Variants in TACC2 observed in about 807,000 individuals in gnomAD.
TACC2 encodes the protein transforming acidic coiled-coil containing protein 2, also known as transforming acidic coiled-coil-containing protein 2.
Under a neutral mutation model 227.3 loss-of-function variants are expected in TACC2, and 137 were observed. That is an observed-to-expected ratio of 0.60 (90% CI 0.52 to 0.69). The LOEUF is 0.69. TACC2 is among the 30% of genes least tolerant of loss of function. TACC2 has a pLI of 0.00. For synonymous variants in TACC2, 1,523 were observed against 1,487.5 expected (o/e 1.02, Z -0.55); for missense variants, 3,470 against 3,694.4 (o/e 0.94, Z 1.57).
At chr10:122,006,146 AT>A (rs1460063917) in intron 1 of TACC2, among the ~76,000 whole-genome samples, 1 of 151,538 alleles carries the variant, frequency 6.6e-6, no homozygotes, top group Admixed American at 6.6e-5. Flanking sequence ...TTGTTTATTG[AT>A]TTTTAAAAAA....
At chr10:122,183,097 C>G (rs1357292571) in intron 7 of TACC2, among the ~76,000 whole-genome samples, 8 of 152,062 alleles carry the variant, frequency 5.3e-5, no homozygotes, top group African/African-American at 1.9e-4. Flanking sequence ...CCCAGCTAGT[C>G]GGGTGGCTGA....
intron 3 of TACC2, among the ~76,000 whole-genome samples, chr10:122,053,093 G>A (rs551239206): frequency 6.6e-6 from 1 of 152,186 alleles, no homozygotes; most frequent in Non-Finnish European, 1.5e-5. Context: ...GGTATGCCAA[G>A]TGTATTAGTC....
chr10:121,992,048 C>G (rs1416572710), intron 1 of TACC2, among the ~76,000 whole-genome samples: 1 of 152,186 alleles, frequency 6.6e-6, no homozygotes, highest in African/African-American at 2.4e-5. Context: ...TTACCTCCCA[C>G]CAGGTCCTTC....
Position 122,150,080 on chromosome 10 carries a change from G to C in TACC2, c.5834+6374G>C, listed in dbSNP as rs528542421. ...CGTCAGTTAGATGGTGGCTCCCTCAGTTCCGTGGGCCCAGGTCTGCAGTTC... is the reference window on the plus strand; with the variant it reads ...CGTCAGTTAGATGGTGGCTCCCTCACTTCCGTGGGCCCAGGTCTGCAGTTC... On this transcript the variant is annotated intron_variant, in intron 7 of 22. Coordinates refer to ENST00000369005, the MANE Select transcript of TACC2 (RefSeq NM_206862.4). This position sits in a 1 kb window ranked among gnomAD's most constrained non-coding sequence, Gnocchi z 4.0. Among the ~76,000 whole-genome samples, 3 of 152,204 alleles carry C rather than the reference G, an allele frequency of 2.0e-5. No homozygotes were observed. The highest frequency in any genetic ancestry group is 4.1e-4 in the South Asian group (2 of 4,836).
At chr10:122,033,250 A>G (rs964768179) in intron 2 of TACC2, 86 of 826,294 alleles carry the variant, frequency 1.0e-4, no homozygotes, top group Admixed American at 2.5e-4. Flanking sequence ...GCATTTATAT[A>G]TTTAGGTTTT....
intron 22 of TACC2, among the ~76,000 whole-genome samples, chr10:122,251,575 C>T (rs1342387009): frequency 1.3e-5 from 2 of 152,152 alleles, no homozygotes; most frequent in Non-Finnish European, 2.9e-5. Context: ...TGGCATGCGA[C>T]TGTGGTCCCA....
At chr10:122,102,319 C>T (rs1413018060) in intron 5 of TACC2, among the ~76,000 whole-genome samples, 1 of 152,200 alleles carries the variant, frequency 6.6e-6, no homozygotes, top group African/African-American at 2.4e-5. Context: ...CACGGAACAG[C>T]TGGCCTAAGG....
chr10:122,075,678 C>T (rs1334021880), intron 3 of TACC2, among the ~76,000 whole-genome samples: 2 of 152,190 alleles, frequency 1.3e-5, no homozygotes, highest in Non-Finnish European at 2.9e-5. Flanking sequence ...ACAGCTGCTG[C>T]CTCTGTTAAC....
intron 2 of TACC2, among the ~76,000 whole-genome samples, chr10:122,035,507 A>C (rs191879228): frequency 3.3e-5 from 5 of 152,340 alleles, no homozygotes; most frequent in Admixed American, 6.5e-5. Context: ...TGCTCGAATG[A>C]AGCTTCCTTA....
At chr10:122,189,287 TCAC>T (rs2140432267) in intron 7 of TACC2, among the ~76,000 whole-genome samples, 1 of 152,300 alleles carries the variant, frequency 6.6e-6, no homozygotes, top group South Asian at 2.1e-4. Context: ...ATCCATTTAC[TCAC>T]AGAGTCCTCA....
intron 2 of TACC2, among the ~76,000 whole-genome samples, chr10:122,048,769 T>C (rs1295874879): frequency 6.6e-6 from 1 of 152,196 alleles, no homozygotes; most frequent in Non-Finnish European, 1.5e-5. Context: ...GGCTAGGGAA[T>C]GTCTGTCGTA....
intron 1 of TACC2, among the ~76,000 whole-genome samples, chr10:122,000,187 C>T (rs1448494129): frequency 1.3e-5 from 2 of 151,972 alleles, no homozygotes; most frequent in East Asian, 3.9e-4. Flanking sequence ...GTCAGGAGAT[C>T]GAGACCACGG....
At chr10:122,106,224 G>A (rs901799963) in intron 5 of TACC2, among the ~76,000 whole-genome samples, 15 of 151,840 alleles carry the variant, frequency 9.9e-5, no homozygotes, top group Non-Finnish European at 2.2e-4. Context: ...CTGACCTCAG[G>A]TGATCTGCCT....
intron 19 of TACC2, chr10:122,247,492 G>T: frequency 6.6e-6 from 1 of 152,368 alleles, no homozygotes. Flanking sequence ...CCGCACAGAG[G>T]ACAGAGGGGT....
chr10:122,197,365 A>AGGTGCGTCTT (rs2094606935), intron 8 of TACC2, among the ~76,000 whole-genome samples: 1 of 152,260 alleles, frequency 6.6e-6, no homozygotes, highest in Non-Finnish European at 1.5e-5. Flanking sequence ...TTGTGGCCAC[A>AGGTGCGTCTT]GGTGCGTCTT....
chr10:122,176,417 C>T (rs990217966), intron 7 of TACC2, among the ~76,000 whole-genome samples: 10 of 152,166 alleles, frequency 6.6e-5, no homozygotes, highest in Non-Finnish European at 1.0e-4. Flanking sequence ...CTTGCGCCCT[C>T]GGTTGGACAG....
intron 7 of TACC2, among the ~76,000 whole-genome samples, chr10:122,193,057 C>T (rs1466188427): frequency 6.6e-6 from 1 of 152,172 alleles, no homozygotes; most frequent in African/African-American, 2.4e-5. Context: ...AAAAGCTAAG[C>T]CCTTTGATAT....
intron 9 of TACC2, 56 bp from the exon 10 acceptor site, chr10:122,215,335 T>G: frequency 6.6e-7 from 1 of 1,507,792 alleles, no homozygotes; most frequent in Non-Finnish European, 9.2e-7. Context: ...TCTGTACTGC[T>G]CTGGAGTGTT....
intron 22 of TACC2, among the ~76,000 whole-genome samples, chr10:122,250,148 G>T (rs1288372916): frequency 2.0e-5 from 3 of 152,162 alleles, no homozygotes; most frequent in African/African-American, 7.2e-5. Flanking sequence ...TTGTGCGCAG[G>T]TTTCCTCCTT....
Sources: allele counts gnomAD v4.1 joint callset (sites outside exome capture counted in the v4.1 genomes callset), GRCh38; gene constraint gnomAD v4.1.1; non-coding constraint Gnocchi (gnomAD v3.1); transcripts MANE v1.5; gene names NCBI Gene and HGNC (gene_info 2026-07-23, HGNC 2026-07-21).